The following CDC73 variants were observed in gnomAD, a reference collection of about 807,000 sequenced individuals.
CDC73 encodes cell division cycle 73, also known as parafibromin.
In CDC73, 21 loss-of-function variants were observed where a neutral mutation model predicts 83.7. That is an observed-to-expected ratio of 0.25 (90% CI 0.18 to 0.36). The LOEUF (loss-of-function observed/expected upper bound fraction) is 0.36, where lower values mean the gene tolerates loss of function less well. CDC73 is among the 10% of genes least tolerant of loss of function. CDC73 has a pLI of 1.00. For missense variants in CDC73, 342 were observed against 653.3 expected, an observed-to-expected ratio of 0.52 and a Z score of 5.19; for synonymous variants, 224 against 212.9, an observed-to-expected ratio of 1.05 and a Z score of -0.45.
chr1:193,158,908 A>G (rs1202070962), intron 10 of CDC73, among the ~76,000 whole-genome samples: 9 of 151,872 alleles, frequency 5.9e-5, no homozygotes, highest in Non-Finnish European at 1.5e-5. Flanking sequence ...TGAACATATT[A>G]TGTGTTACGG....
At chr1:193,183,715 T>G (rs1676758777) in intron 10 of CDC73, among the ~76,000 whole-genome samples, 1 of 151,718 alleles carries the variant, frequency 6.6e-6, no homozygotes, top group Non-Finnish European at 1.5e-5. Context: ...GATATAAGGG[T>G]TATGTATGTA....
chr1:193,241,176 AC>A (rs1677849842), intron 15 of CDC73, among the ~76,000 whole-genome samples: 1 of 151,866 alleles, frequency 6.6e-6, no homozygotes, highest in Non-Finnish European at 1.5e-5. Flanking sequence ...TTAGGGGAGG[AC>A]TTTTCCCCGA....
chr1:193,230,408 A>G (rs887650239), intron 13 of CDC73, among the ~76,000 whole-genome samples: 2 of 150,722 alleles, frequency 1.3e-5, no homozygotes, highest in Non-Finnish European at 2.9e-5. Context: ...TGGCCCCCCA[A>G]AGTGCTGGGA....
intron 11 of CDC73, among the ~76,000 whole-genome samples, chr1:193,207,531 A>T (rs1241622061): frequency 6.6e-6 from 1 of 152,124 alleles, no homozygotes; most frequent in African/African-American, 2.4e-5. Context: ...ACCTCCCCCC[A>T]GAAATGCATT....
chr1:193,162,885 A>G (rs374826891), intron 10 of CDC73, among the ~76,000 whole-genome samples: 2 of 152,170 alleles, frequency 1.3e-5, no homozygotes, highest in Non-Finnish European at 2.9e-5. Flanking sequence ...ATATTTCATT[A>G]TACCAAACTT....
At chr1:193,205,200 C>CG (rs1677165816) in intron 11 of CDC73, among the ~76,000 whole-genome samples, 1 of 113,644 alleles carries the variant, frequency 8.8e-6, no homozygotes, top group Admixed American at 8.4e-5. Flanking sequence ...ACCTGTCCCC[C>CG]CCCCCCCCTT....
intron 1 of CDC73, among the ~76,000 whole-genome samples, chr1:193,123,078 A>T (rs10158344): frequency 0.021 from 3,147 of 152,294 alleles, 110 homozygotes; most frequent in African/African-American, 0.071. Flanking sequence ...AACAGTCATT[A>T]GGGGCCTTTT....
At chr1:193,142,204 A>G (rs1675918827) in intron 7 of CDC73, 138 bp downstream of exon 7, 2 of 741,498 alleles carry the variant, frequency 2.7e-6, no homozygotes, top group Non-Finnish European at 4.8e-6. Context: ...CTCAGTAATA[A>G]TGTAGATTTC....
chr1:193,215,624 C>CT (rs1385562973), intron 13 of CDC73, among the ~76,000 whole-genome samples: 1 of 150,116 alleles, frequency 6.7e-6, no homozygotes, highest in African/African-American at 2.5e-5. Context: ...GGGTCTTTCT[C>CT]TGTCACACAG....
chr1:193,207,444 A>G (rs1375293382), intron 11 of CDC73, among the ~76,000 whole-genome samples: 2 of 152,154 alleles, frequency 1.3e-5, no homozygotes, highest in Non-Finnish European at 2.9e-5. Context: ...GCTTGAGGGT[A>G]CTGCAGGAGT....
chr1:193,167,575 A>G (rs893175908), intron 10 of CDC73, among the ~76,000 whole-genome samples: 3 of 152,156 alleles, frequency 2.0e-5, no homozygotes, highest in African/African-American at 4.8e-5. Flanking sequence ...AATCAAATCA[A>G]ATTTAATTAA....
intron 10 of CDC73, chr1:193,180,134 G>T (rs1676687107): frequency 3.2e-6 from 2 of 628,424 alleles, no homozygotes; most frequent in South Asian, 3.7e-5. Context: ...TAATGTTATA[G>T]TTTTAAGAAT....
At chr1:193,216,960 T>C (rs1558314311) in intron 13 of CDC73, among the ~76,000 whole-genome samples, 1 of 152,186 alleles carries the variant, frequency 6.6e-6, no homozygotes, top group Non-Finnish European at 1.5e-5. Context: ...GAGCCGTCTA[T>C]GACAGTCCTA....
chr1:193,146,220 A>G (rs1042806320), intron 7 of CDC73, among the ~76,000 whole-genome samples: 2 of 152,180 alleles, frequency 1.3e-5, no homozygotes, highest in Non-Finnish European at 2.9e-5. Context: ...TTCTTACTAC[A>G]TATTCCTTCA....
At chr1:193,200,151 G>C (rs545887390) in intron 10 of CDC73, among the ~76,000 whole-genome samples, 7 of 152,100 alleles carry the variant, frequency 4.6e-5, no homozygotes, top group Non-Finnish European at 1.0e-4. Flanking sequence ...TTAAGCCCCA[G>C]AGGTCAAGGC....
chr1:193,234,220 C>T (rs201837564), intron 14 of CDC73, among the ~76,000 whole-genome samples: 3,857 of 31,484 alleles, frequency 0.12, 126 homozygotes, highest in African/African-American at 0.23. Flanking sequence ...CACACACACA[C>T]ATATATATAT....
chr1:193,233,295 T>G lies in CDC73; in HGVS notation c.1316+141T>G, dbSNP rs1359814467. 1.1e-5 allele frequency: 8 copies of G among 754,288 alleles called. No homozygotes were observed. The East Asian group carries it at 2.1e-4, about 20-fold the overall frequency. 46.7% of individuals were successfully genotyped at this position (754,288 alleles called of 1,614,324 possible). On this transcript the variant is annotated intron_variant, in intron 14 of 16. Coordinates refer to ENST00000367435, the MANE Select transcript of CDC73 (RefSeq NM_024529.5). ...AGGCAGAACTTGAACTCCTGGGCTC[T>G]GTCAGTCCTCCTGCCTCAGGCTCCC...
intron 10 of CDC73, among the ~76,000 whole-genome samples, chr1:193,168,780 C>T (rs1315682756): frequency 6.6e-6 from 1 of 152,178 alleles, no homozygotes; most frequent in Non-Finnish European, 1.5e-5. Context: ...CCGCCTCAGC[C>T]TCCCAAAGTG....
chr1:193,197,558 G>T (rs1469212687), intron 10 of CDC73, among the ~76,000 whole-genome samples: 1 of 152,060 alleles, frequency 6.6e-6, no homozygotes, highest in Non-Finnish European at 1.5e-5. Context: ...GCACCATGAG[G>T]GTAGGGACCT....
Sources: allele counts gnomAD v4.1 joint callset (sites outside exome capture counted in the v4.1 genomes callset), GRCh38; gene constraint gnomAD v4.1.1; transcripts MANE v1.5; gene names NCBI Gene and HGNC (gene_info 2026-07-23, HGNC 2026-07-21).